The following CA10 variants were observed in gnomAD, a reference collection of about 807,000 sequenced individuals.
CA10 encodes the protein carbonic anhydrase-related protein 10.
In CA10, 14 loss-of-function variants were observed where a neutral mutation model predicts 44.2. The observed-to-expected ratio is 0.32, with a 90% CI of 0.21 to 0.50. CA10 has a LOEUF of 0.50. Among genes scored for constraint, CA10 ranks in the 20% least tolerant of loss-of-function variants. CA10 has a pLI of 0.99. For missense variants in CA10, 350 were observed against 409.7 expected, an observed-to-expected ratio of 0.85 and a Z score of 1.26; for synonymous variants, 159 against 141.6, an observed-to-expected ratio of 1.12 and a Z score of -0.87.
At chr17:51,845,756 C>A (rs764906381) in intron 3 of CA10, among the ~76,000 whole-genome samples, 3 of 152,296 alleles carry the variant, frequency 2.0e-5, no homozygotes, top group South Asian at 2.1e-4. Context: ...TTCTTTCTTG[C>A]ACAGAACGCT....
At chr17:51,709,142 T>C (rs1185618467) in intron 4 of CA10, among the ~76,000 whole-genome samples, 1 of 152,240 alleles carries the variant, frequency 6.6e-6, no homozygotes, top group Non-Finnish European at 1.5e-5. Flanking sequence ...CATTCATATA[T>C]CCATCTATTC....
intron 2 of CA10, among the ~76,000 whole-genome samples, chr17:52,034,291 T>G (rs1342490496): frequency 6.6e-6 from 1 of 152,140 alleles, no homozygotes; most frequent in East Asian, 1.9e-4. Context: ...GTTTCATGAG[T>G]GTGTATTTAT....
At chr17:51,729,437 G>T (rs1488347578) in intron 4 of CA10, among the ~76,000 whole-genome samples, 1 of 152,128 alleles carries the variant, frequency 6.6e-6, no homozygotes, top group East Asian at 1.9e-4. Context: ...TTGGCACGTG[G>T]GTTAGAGGGA....
chr17:51,811,323 G>T (rs992486606), intron 3 of CA10, among the ~76,000 whole-genome samples: 2 of 152,070 alleles, frequency 1.3e-5, no homozygotes, highest in African/African-American at 4.8e-5. Context: ...AAGTTCTAGG[G>T]TACATGTGCA....
At chr17:51,798,020 C>T (rs934400249) in intron 3 of CA10, among the ~76,000 whole-genome samples, 1 of 152,184 alleles carries the variant, frequency 6.6e-6, no homozygotes, top group East Asian at 1.9e-4. Flanking sequence ...GAGGAAGTGA[C>T]TTGCCTTAAG....
chr17:51,639,078 G>A (rs966056707), intron 6 of CA10, among the ~76,000 whole-genome samples: 1 of 152,160 alleles, frequency 6.6e-6, no homozygotes, highest in Non-Finnish European at 1.5e-5. Flanking sequence ...GAGGCAATGC[G>A]GAACCACCGA....
chr17:51,952,950 T>C (rs982713249), intron 2 of CA10, among the ~76,000 whole-genome samples: 20 of 152,118 alleles, frequency 1.3e-4, no homozygotes, highest in Non-Finnish European at 2.5e-4. Flanking sequence ...TCATTCAAAA[T>C]AGGAGAATTA....
Position 51,959,282 on chromosome 17 carries a change from C to CTCTCTGTGTG in CA10, c.137-28151_137-28150insCACACAGAGA, listed in dbSNP as rs748461115. On this transcript the variant is annotated intron_variant, in intron 2 of 8. Transcript: ENST00000451037. ...TTGTTCTCTCTCTCGCTCTCTCTCT[C>CTCTCTGTGTG]TGTGTGTGTGTGTGTGTGTGTGTGT... 7.2e-3 allele frequency among the ~76,000 whole-genome samples: 962 copies of CTCTCTGTGTG among 134,406 alleles called. 8 individuals are homozygous for CTCTCTGTGTG. Among genetic ancestry groups the CTCTCTGTGTG allele is most frequent in the Non-Finnish European group, 9.6e-3 (615 of 63,778 alleles). The allele number at this position is 134,406 out of a possible 152,430, so 88.2% of individuals were successfully genotyped here.
intron 5 of CA10, among the ~76,000 whole-genome samples, chr17:51,649,864 G>C (rs1913487613): frequency 7.5e-6 from 1 of 132,628 alleles, no homozygotes; most frequent in Admixed American, 8.3e-5. Flanking sequence ...CCAGAATAGA[G>C]GTATAAGGAA....
intron 3 of CA10, among the ~76,000 whole-genome samples, chr17:51,855,486 A>T (rs1286701593): frequency 6.6e-6 from 1 of 152,206 alleles, no homozygotes; most frequent in Non-Finnish European, 1.5e-5. Context: ...TAGGTGCAAA[A>T]AACTCAAAAA....
chr17:51,838,720 A>T (rs1042892760), intron 3 of CA10, among the ~76,000 whole-genome samples: 4 of 152,244 alleles, frequency 2.6e-5, no homozygotes, highest in Non-Finnish European at 1.5e-5. Flanking sequence ...CTCTATATAC[A>T]TACCCTGTAC....
chr17:51,998,014 A>G (rs1166355407), intron 2 of CA10, among the ~76,000 whole-genome samples: 1 of 152,102 alleles, frequency 6.6e-6, no homozygotes, highest in Non-Finnish European at 1.5e-5. Flanking sequence ...GATCATGGCT[A>G]TCAAGTGGCA....
intron 4 of CA10, among the ~76,000 whole-genome samples, chr17:51,710,224 C>G (rs1475267910): frequency 1.3e-5 from 2 of 152,110 alleles, no homozygotes; most frequent in East Asian, 3.8e-4. Context: ...TTGTGCTGAA[C>G]AGAAGTCAAC....
At chr17:52,082,511 A>C (rs558292482) in intron 1 of CA10, among the ~76,000 whole-genome samples, 2 of 152,246 alleles carry the variant, frequency 1.3e-5, no homozygotes, top group Non-Finnish European at 2.9e-5. Context: ...TTGGTTATCT[A>C]GTTGTTTGAA....
intron 2 of CA10, among the ~76,000 whole-genome samples, chr17:52,023,435 C>A (rs1408571536): frequency 6.6e-6 from 1 of 152,008 alleles, no homozygotes; most frequent in Non-Finnish European, 1.5e-5. Context: ...TGAAACTAAA[C>A]CTCTATCTTT....
chr17:51,921,312 G>A (rs1035352441), intron 3 of CA10, among the ~76,000 whole-genome samples: 2 of 152,092 alleles, frequency 1.3e-5, no homozygotes, highest in African/African-American at 4.8e-5. Flanking sequence ...GGGTCTCCAT[G>A]AAACAGAAGG....
chr17:51,650,685 C>T (rs1334251774), intron 5 of CA10, among the ~76,000 whole-genome samples: 2 of 152,182 alleles, frequency 1.3e-5, no homozygotes, highest in African/African-American at 2.4e-5. Context: ...TGATGCACCC[C>T]ATGAAAGAAA....
intron 2 of CA10, among the ~76,000 whole-genome samples, chr17:51,994,041 A>G (rs555635957): frequency 4.1e-4 from 62 of 152,156 alleles, no homozygotes; most frequent in African/African-American, 1.5e-3. Flanking sequence ...AGAGATACAC[A>G]TGGGCAGAAG....
intron 2 of CA10, among the ~76,000 whole-genome samples, chr17:51,964,471 C>T (rs1984005706): frequency 6.6e-6 from 1 of 151,948 alleles, no homozygotes; most frequent in Non-Finnish European, 1.5e-5. Flanking sequence ...CTCAACTGCA[C>T]ATGGAACATA....
Sources: allele counts gnomAD v4.1 joint callset (sites outside exome capture counted in the v4.1 genomes callset), GRCh38; gene constraint gnomAD v4.1.1; transcripts MANE v1.5; gene names NCBI Gene and HGNC (gene_info 2026-07-23, HGNC 2026-07-21).